NECTIN1: variants seen among roughly 807,000 people sequenced by gnomAD.
The protein encoded by NECTIN1 is nectin cell adhesion molecule 1.
NECTIN1 carries 23 observed loss-of-function variants against 48.0 expected under a neutral mutation model. The ratio of observed to expected loss-of-function variants is 0.48; its 90% CI spans 0.34 to 0.68. The LOEUF (loss-of-function observed/expected upper bound fraction) is 0.68, where lower values mean the gene tolerates loss of function less well. Among genes scored for constraint, NECTIN1 ranks in the 30% least tolerant of loss-of-function variants. The probability of loss-of-function intolerance (pLI) is 0.01; values close to 1 mark genes in which losing one functional copy is unlikely to be tolerated. For synonymous variants in NECTIN1, 270 were observed against 288.9 expected, an observed-to-expected ratio of 0.93 and a Z score of 0.66; for missense variants, 591 against 709.9, an observed-to-expected ratio of 0.83 and a Z score of 1.90.
Position 119,664,185 on chromosome 11 carries a change from G to A in NECTIN1, c.*562C>T, listed in dbSNP as rs1864720689. ...ACTCCCTGGGAACTGGGGAGAAGCC[G>A]CACCCCTCCCCCTACCTCTTGGGCG... On this transcript the variant is annotated 3_prime_UTR_variant, in exon 6 of 6. Coordinates refer to ENST00000264025, the MANE Select transcript of NECTIN1 (RefSeq NM_002855.5). 8 of 986,604 alleles carry A rather than the reference G, an allele frequency of 8.1e-6. No individual in the cohort carries two copies. In the South Asian group the frequency reaches 1.9e-4, roughly 23 times the overall value. The allele number at this position is 986,604 out of a possible 1,614,324, so 61.1% of individuals were successfully genotyped here. A position where few individuals can be genotyped will look rare whatever the true frequency, so the allele number is the denominator to read the frequency against.
chr11:119,722,567 G>A (rs967143532), intron 1 of NECTIN1, among the ~76,000 whole-genome samples: 7 of 152,236 alleles, frequency 4.6e-5, no homozygotes, highest in African/African-American at 1.7e-4. Flanking sequence ...GGCAGGTGCC[G>A]GGAGAGCCCT....
chr11:119,697,849 G>C (rs781112398), intron 1 of NECTIN1, among the ~76,000 whole-genome samples: 3 of 152,242 alleles, frequency 2.0e-5, no homozygotes, highest in Non-Finnish European at 4.4e-5. Flanking sequence ...CTAATCACTG[G>C]TGTGCACATT....
chr11:119,670,942 T>C (rs1257301837), intron 5 of NECTIN1, among the ~76,000 whole-genome samples: 2 of 151,866 alleles, frequency 1.3e-5, no homozygotes, highest in African/African-American at 4.8e-5. Context: ...CCTAGCCAAC[T>C]TTTTTCCTTA....
intron 1 of NECTIN1, among the ~76,000 whole-genome samples, chr11:119,693,002 C>G (rs572678234): frequency 3.3e-5 from 5 of 152,322 alleles, no homozygotes; most frequent in African/African-American, 1.2e-4. Flanking sequence ...ACCATCCTCC[C>G]ACCCCTGCCA....
Position 119,677,348 on chromosome 11 carries a change from G to A in NECTIN1, c.734-129C>T. The A allele has an allele frequency of 9.8e-7, 1 of 1,018,644 alleles. No homozygotes were observed. Among genetic ancestry groups the A allele is most frequent in the Non-Finnish European group, 1.5e-6 (1 of 651,370 alleles). The allele number at this position is 1,018,644 out of a possible 1,614,324, so 63.1% of individuals were successfully genotyped here. A position where few individuals can be genotyped will look rare whatever the true frequency, so the allele number is the denominator to read the frequency against. On this transcript the variant is annotated intron_variant, in intron 3 of 5. Transcript: ENST00000264025. The surrounding 1 kb of genome is among the most constrained non-coding windows in gnomAD (Gnocchi z 5.4). ...AGCCAGGAGAGAGGGAAGTGTGGGT[G>A]GGAGGGTGGCAATCACAGAGCCCGG...
chr11:119,683,568 T>C lies in NECTIN1; in HGVS notation c.80-4803A>G, dbSNP rs1386774600. 1.5e-5 allele frequency among the ~76,000 whole-genome samples: 2 copies of C among 136,466 alleles called. No homozygotes were observed. The highest frequency in any genetic ancestry group is 5.6e-5 in the African/African-American group (2 of 35,580). The allele number at this position is 136,466 out of a possible 152,430, so 89.5% of individuals were successfully genotyped here. On this transcript the variant is annotated intron_variant, in intron 1 of 5. Transcript: ENST00000264025. This position sits in a 1 kb window ranked among gnomAD's most constrained non-coding sequence, Gnocchi z 4.0. ...AGGTCAGAAACAGGGGCTTTGGGGA[T>C]CCCGGGTGTGTGTGTGTGTGTGTGT... is the stretch of plus-strand genomic sequence containing the variant.
At chr11:119,723,321 C>T (rs1033723500) in intron 1 of NECTIN1, among the ~76,000 whole-genome samples, 3 of 152,010 alleles carry the variant, frequency 2.0e-5, no homozygotes, top group African/African-American at 7.3e-5. Context: ...CAACCCAGGC[C>T]AGTGGGCCCC....
At position 119,684,464 on chromosome 11, in the gene NECTIN1, C is replaced by T. The variant is rs184300577; in HGVS notation, c.80-5699G>A. Among the ~76,000 whole-genome samples, 5 of 152,228 alleles carry T rather than the reference C, an allele frequency of 3.3e-5. No homozygotes were observed. Among genetic ancestry groups the T allele is most frequent in the African/African-American group, 9.6e-5 (4 of 41,452 alleles). ...GGGCCTCTGTGAAATCGATATCCTT[C>T]GGGATGCATTTCTAGGGCTTTCCAG... On this transcript the variant is annotated intron_variant, in intron 1 of 5. Transcript: ENST00000264025. This position sits in a 1 kb window ranked among gnomAD's most constrained non-coding sequence, Gnocchi z 5.2.
Position 119,677,062 on chromosome 11 carries a change from G to T in NECTIN1, c.851+40C>A. 13 of 1,552,036 alleles carry T rather than the reference G, an allele frequency of 8.4e-6. No individual in the cohort carries two copies. The highest frequency in any genetic ancestry group is 1.2e-5 in the Non-Finnish European group (13 of 1,123,578). On this transcript the variant is annotated intron_variant, in intron 4 of 5. Transcript: ENST00000264025. This position sits in a 1 kb window ranked among gnomAD's most constrained non-coding sequence, Gnocchi z 5.4. Reference sequence around the variant, plus strand: ...CCCCTCATCACCCGTGGTCCAGTCAGCTGTCTTCCAAGGTGACTGGTCAGC... The same window carrying T: ...CCCCTCATCACCCGTGGTCCAGTCATCTGTCTTCCAAGGTGACTGGTCAGC...
chr11:119,656,710 G>A (rs906324808), downstream of NECTIN1, among the ~76,000 whole-genome samples: 7 of 152,178 alleles, frequency 4.6e-5, no homozygotes, highest in East Asian at 1.9e-4. Flanking sequence ...CTTCAGGCCC[G>A]TACTCAGGCA....
chr11:119,728,429 G>C (rs955079764), intron 1 of NECTIN1, 46 bp downstream of exon 1: 3 of 1,520,480 alleles, frequency 2.0e-6, no homozygotes, highest in Admixed American at 2.0e-5. Flanking sequence ...CCAGCCCCGG[G>C]GAGGCATTGG....
downstream of NECTIN1, among the ~76,000 whole-genome samples, chr11:119,657,751 TAATAA>T (rs1864597989): frequency 7.1e-6 from 1 of 141,412 alleles, no homozygotes. Context: ...ATAATAATAA[TAATAA>T]TAATAATAAT....
rs779620797 is a variant in NECTIN1 at position 119,677,077 on chromosome 11, G to A, written c.851+25C>T. The stretch of plus-strand genomic sequence containing the variant: ...GGTCCAGTCAGCTGTCTTCCAAGGT[G>A]ACTGGTCAGCCCTGCAGCACTTACG... On this transcript the variant is annotated intron_variant, in intron 4 of 5. Coordinates refer to ENST00000264025, the MANE Select transcript of NECTIN1 (RefSeq NM_002855.5). This position sits in a 1 kb window ranked among gnomAD's most constrained non-coding sequence, Gnocchi z 5.4. 2 of 1,595,686 alleles carry A rather than the reference G, an allele frequency of 1.3e-6. No homozygotes were observed. Among genetic ancestry groups the A allele is most frequent in the Non-Finnish European group, 1.7e-6 (2 of 1,163,206 alleles).
intron 1 of NECTIN1, among the ~76,000 whole-genome samples, chr11:119,701,037 G>C (rs753715251): frequency 3.9e-5 from 6 of 152,112 alleles, no homozygotes; most frequent in Non-Finnish European, 8.8e-5. Context: ...CAGATGTGGG[G>C]GTACGGGTGT....
chr11:119,721,339 T>G (rs1379804802), intron 1 of NECTIN1, among the ~76,000 whole-genome samples: 1 of 152,060 alleles, frequency 6.6e-6, no homozygotes, highest in Admixed American at 6.5e-5. Flanking sequence ...TCCAGGACTT[T>G]GTGGGGAGGG....
At chr11:119,712,023 G>C (rs529469324) in intron 1 of NECTIN1, among the ~76,000 whole-genome samples, 1 of 152,206 alleles carries the variant, frequency 6.6e-6, no homozygotes, top group Non-Finnish European at 1.5e-5. Flanking sequence ...CCAGGGCTCC[G>C]GTGCACAGCA....
At chr11:119,715,643 A>G (rs7941970) in intron 1 of NECTIN1, among the ~76,000 whole-genome samples, 6,214 of 152,292 alleles carry the variant, frequency 0.041, 417 homozygotes, top group African/African-American at 0.14. Flanking sequence ...GGTATGAGCC[A>G]CTGTGCCCAG....
chr11:119,640,003 C>G, exon 6 of NECTIN1: 2 of 1,611,734 alleles, frequency 1.2e-6, no homozygotes, highest in South Asian at 1.1e-5. Flanking sequence ...CCTCTGGGGG[C>G]GGGGCTTTTC....
chr11:119,648,295 G>GTGA (rs779430874), intron 5 of NECTIN1, among the ~76,000 whole-genome samples: 4 of 9,650 alleles, frequency 4.1e-4, no homozygotes, highest in Non-Finnish European at 6.1e-4. Flanking sequence ...GGTGATGGTG[G>GTGA]TGGTGGTGGT....
Sources: gnomAD v4.1 joint callset for allele counts (sites outside exome capture counted in the v4.1 genomes callset) on GRCh38, gnomAD v4.1.1 for gene constraint, Gnocchi (gnomAD v3.1) non-coding constraint, MANE v1.5 for transcripts, NCBI Gene and HGNC (gene_info 2026-07-23, HGNC 2026-07-21) for gene names.